Variants in IL1RAPL1 observed in about 807,000 individuals in gnomAD.
IL1RAPL1 encodes interleukin 1 receptor accessory protein like 1.
Under a neutral mutation model 48.4 loss-of-function variants are expected in IL1RAPL1, and 3 were observed. The observed-to-expected ratio is 0.06, with a 90% CI of 0.03 to 0.16. The LOEUF is 0.16. Ranked by LOEUF, IL1RAPL1 falls within the 10% of genes least tolerant of loss-of-function variation. The pLI is 1.00. For missense variants in IL1RAPL1, 349 were observed against 530.6 expected (o/e 0.66, Z 3.36); for synonymous variants, 185 against 187.7 (o/e 0.99, Z 0.12).
intron 5 of IL1RAPL1, among the ~76,000 whole-genome samples, chrX:29,442,162 C>T: frequency 9.0e-6 from 1 of 111,687 alleles, no homozygotes; most frequent in Middle Eastern, 4.6e-3. Flanking sequence ...TCAAACTATA[C>T]TATAATGCCA....
At chrX:29,228,578 C>T (rs1242216840) in intron 2 of IL1RAPL1, among the ~76,000 whole-genome samples, 1 of 110,452 alleles carries the variant, frequency 9.1e-6, no homozygotes, top group East Asian at 2.9e-4. Flanking sequence ...TGGTCTCAAA[C>T]TCCTGACCTC....
At chrX:29,828,901 A>G (rs144749557) in intron 6 of IL1RAPL1, among the ~76,000 whole-genome samples, 3 of 108,826 alleles carry the variant, frequency 2.8e-5, no homozygotes, top group Non-Finnish European at 5.7e-5. Flanking sequence ...TGCCGGGGGG[A>G]AAAAAAGAGG....
chrX:29,709,670 A>G (rs1927289881), intron 6 of IL1RAPL1, among the ~76,000 whole-genome samples: 1 of 111,277 alleles, frequency 9.0e-6, no homozygotes, highest in South Asian at 3.7e-4. Flanking sequence ...TTCCATATGA[A>G]TTTTAGGATT....
intron 5 of IL1RAPL1, among the ~76,000 whole-genome samples, chrX:29,570,451 G>A (rs756315098): frequency 3.6e-5 from 4 of 112,346 alleles, no homozygotes; most frequent in African/African-American, 1.3e-4. Context: ...CTGATATCAC[G>A]CATTTCACTG....
chrX:28,662,645 T>C (rs1934835391), intron 1 of IL1RAPL1, among the ~76,000 whole-genome samples: 1 of 111,491 alleles, frequency 9.0e-6, no homozygotes, highest in African/African-American at 3.3e-5. Flanking sequence ...TGGTTGGCTT[T>C]ATTTAATTAA....
At position 29,143,327 on chromosome X, in the gene IL1RAPL1, T is replaced by C. The variant is rs1929282021; in HGVS notation, c.83-139611T>C. ...ACACAGTGTTCCAGAATTTAGAAGA[T>C]CCATACAAAGTGTTGAGGAGAATCT... On this transcript the variant is annotated intron_variant, in intron 2 of 10. Coordinates refer to ENST00000378993, the MANE Select transcript of IL1RAPL1 (RefSeq NM_014271.4). Among the ~76,000 whole-genome samples, 3 of 111,977 alleles carry C rather than the reference T, an allele frequency of 2.7e-5. No individual in the cohort carries two copies. In the South Asian group the frequency reaches 1.1e-3, roughly 41 times the overall value.
chrX:29,142,455 A>G (rs150084784), intron 2 of IL1RAPL1, among the ~76,000 whole-genome samples: 1,255 of 112,076 alleles, frequency 0.011, 18 homozygotes, highest in African/African-American at 0.038. Flanking sequence ...AACTAATGCA[A>G]TGTGGGAACA....
chrX:29,333,760 AC>A (rs1357771561), intron 3 of IL1RAPL1, among the ~76,000 whole-genome samples: 6 of 20,587 alleles, frequency 2.9e-4, no homozygotes, highest in Non-Finnish European at 3.6e-4. Context: ...GTGGGGGCTG[AC>A]CCCCCCCACC....
At chrX:29,464,093 T>C (rs1934835265) in intron 5 of IL1RAPL1, among the ~76,000 whole-genome samples, 1 of 112,686 alleles carries the variant, frequency 8.9e-6, no homozygotes, top group South Asian at 3.6e-4. Flanking sequence ...ATTTTTAGAA[T>C]ATCTTTAATA....
chrX:29,103,211 G>A (rs778006092), intron 2 of IL1RAPL1, among the ~76,000 whole-genome samples: 1 of 111,560 alleles, frequency 9.0e-6, no homozygotes, highest in African/African-American at 3.3e-5. Context: ...GCACATTACC[G>A]AGCCCACGTT....
At chrX:29,924,483 G>C (rs1371279617) in intron 8 of IL1RAPL1, among the ~76,000 whole-genome samples, 1 of 112,032 alleles carries the variant, frequency 8.9e-6, no homozygotes, top group Non-Finnish European at 1.9e-5. Context: ...AAAGTTACAG[G>C]CATGAAAATT....
At chrX:29,660,006 TGAA>T (rs1445519871) in intron 5 of IL1RAPL1, among the ~76,000 whole-genome samples, 4 of 111,055 alleles carry the variant, frequency 3.6e-5, no homozygotes, top group Non-Finnish European at 7.5e-5. Flanking sequence ...CAGGCAGAAG[TGAA>T]GAAGAAGCAG....
chrX:29,266,330 T>C (rs772718016), intron 2 of IL1RAPL1, among the ~76,000 whole-genome samples: 1 of 112,102 alleles, frequency 8.9e-6, no homozygotes, highest in South Asian at 3.7e-4. Flanking sequence ...TGTTTAACAG[T>C]GTGTACTAAT....
intron 3 of IL1RAPL1, among the ~76,000 whole-genome samples, chrX:29,377,560 C>T (rs1040468475): frequency 8.9e-6 from 1 of 112,234 alleles, no homozygotes; most frequent in African/African-American, 3.2e-5. Flanking sequence ...CTAGTTAAAA[C>T]TAATTCCCTC....
At chrX:28,735,153 T>G (rs1935805634) in intron 1 of IL1RAPL1, among the ~76,000 whole-genome samples, 1 of 112,072 alleles carries the variant, frequency 8.9e-6, no homozygotes, top group African/African-American at 3.2e-5. Flanking sequence ...GGTATAGCAC[T>G]TATTTTTCTT....
At chrX:29,053,336 C>T (rs1240646470) in intron 2 of IL1RAPL1, among the ~76,000 whole-genome samples, 1 of 111,697 alleles carries the variant, frequency 9.0e-6, no homozygotes, top group Non-Finnish European at 1.9e-5. Context: ...CTGCAGTGAA[C>T]ATACACATAC....
At position 28,861,241 on chromosome X, in the gene IL1RAPL1, G is replaced by C. The variant is rs1228120755; in HGVS notation, c.82+71816G>C. Among the ~76,000 whole-genome samples, 43 of 111,630 alleles carry C rather than the reference G, an allele frequency of 3.9e-4. No individual in the cohort carries two copies. The Admixed American group carries it at 4.0e-3, about 10-fold the overall frequency. On this transcript the variant is annotated intron_variant, in intron 2 of 10. Coordinates refer to ENST00000378993, the MANE Select transcript of IL1RAPL1 (RefSeq NM_014271.4). ...TTCAACATAAAAAGTGATGACAATC[G>C]ATCAGTCTGACTTTCACAAGAGGCT...
rs1242153501 is a variant in IL1RAPL1, at chrX:29,722,707, C to G, written c.778+54203C>G. On this transcript the variant is annotated intron_variant, in intron 6 of 10. Transcript: ENST00000378993. ...CATTGTGATATCTGCTGCTTCAGGC[C>G]TATTCAAACTTTCTTGACGATCCTT... 2.7e-5 allele frequency among the ~76,000 whole-genome samples: 3 copies of G among 111,618 alleles called. No homozygotes were observed. In the Admixed American group the frequency reaches 2.9e-4, roughly 11 times the overall value.
chrX:28,624,734 T>C (rs1934319548), intron 1 of IL1RAPL1, among the ~76,000 whole-genome samples: 2 of 112,075 alleles, frequency 1.8e-5, no homozygotes, highest in African/African-American at 6.5e-5. Context: ...TATCAAACTA[T>C]GTACTTGTTT....
Sources: allele counts gnomAD v4.1 joint callset (sites outside exome capture counted in the v4.1 genomes callset), GRCh38; gene constraint gnomAD v4.1.1; transcripts MANE v1.5; gene names NCBI Gene and HGNC (gene_info 2026-07-23, HGNC 2026-07-21).